The following ULK4 variants were observed in gnomAD, a reference collection of about 807,000 sequenced individuals.
ULK4 encodes unc-51 like kinase 4, also known as inactive serine/threonine-protein kinase ULK4.
In ULK4, 133 loss-of-function variants were observed where a neutral mutation model predicts 160.6. That is an observed-to-expected ratio of 0.83 (90% CI 0.72 to 0.96). The LOEUF is 0.96. Ranked by LOEUF, ULK4 falls within the 40% of genes least tolerant of loss-of-function variation. ULK4 has a pLI of 0.00. For synonymous variants in ULK4, 534 were observed against 539.8 expected (o/e 0.99, Z 0.15); for missense variants, 1,580 against 1,499.5 (o/e 1.05, Z -0.89).
At chr3:41,515,764 A>C (rs796952389) in intron 32 of ULK4, among the ~76,000 whole-genome samples, 211 of 152,276 alleles carry the variant, frequency 1.4e-3, no homozygotes, top group African/African-American at 4.8e-3. Context: ...ACCTAGTCCC[A>C]CCCTTGATAT....
chr3:41,509,862 T>C (rs2085510528), intron 32 of ULK4, among the ~76,000 whole-genome samples: 1 of 152,030 alleles, frequency 6.6e-6, no homozygotes, highest in Non-Finnish European at 1.5e-5. Context: ...TACACCAAAA[T>C]AGAACCTTTT....
At chr3:41,703,833 T>TACACACAC (rs2036765902) in intron 27 of ULK4, among the ~76,000 whole-genome samples, 1 of 93,306 alleles carries the variant, frequency 1.1e-5, no homozygotes, top group African/African-American at 4.1e-5. Context: ...TTAATGCGCA[T>TACACACAC]GCACACACAC....
intron 31 of ULK4, among the ~76,000 whole-genome samples, chr3:41,606,273 A>G (rs73069310): frequency 0.027 from 4,099 of 152,148 alleles, 90 homozygotes; most frequent in Middle Eastern, 0.054. Context: ...CGAAAATTAA[A>G]AAAAAGAAAG....
At chr3:41,550,788 AACATACATT>A (rs1283139705) in intron 32 of ULK4, among the ~76,000 whole-genome samples, 2 of 152,054 alleles carry the variant, frequency 1.3e-5, no homozygotes, top group Non-Finnish European at 2.9e-5. Context: ...ATATGGACCT[AACATACATT>A]TGCGGAACAT....
At chr3:41,436,451 C>G (rs1406133883) in intron 34 of ULK4, among the ~76,000 whole-genome samples, 1 of 152,092 alleles carries the variant, frequency 6.6e-6, no homozygotes, top group Non-Finnish European at 1.5e-5. Context: ...TTATCTGTTA[C>G]TATATATTCA....
chr3:41,248,735 G>A (rs2078689461), intron 36 of ULK4, among the ~76,000 whole-genome samples: 1 of 152,260 alleles, frequency 6.6e-6, no homozygotes, highest in Admixed American at 6.5e-5. Flanking sequence ...GCACCCCATA[G>A]GAGGCGGGTC....
chr3:41,764,134 G>A (rs1164312562), intron 21 of ULK4, among the ~76,000 whole-genome samples: 2 of 152,016 alleles, frequency 1.3e-5, no homozygotes, highest in Non-Finnish European at 1.5e-5. Context: ...AATAAACTGA[G>A]AAAATGAAAA....
At chr3:41,573,642 G>A (rs1471142964) in intron 31 of ULK4, among the ~76,000 whole-genome samples, 1 of 151,994 alleles carries the variant, frequency 6.6e-6, no homozygotes, top group Non-Finnish European at 1.5e-5. Flanking sequence ...CACACGTGTT[G>A]GGCACGCAGC....
At chr3:41,400,627 T>C (rs1433331429) in intron 34 of ULK4, among the ~76,000 whole-genome samples, 1 of 152,214 alleles carries the variant, frequency 6.6e-6, no homozygotes, top group Non-Finnish European at 1.5e-5. Context: ...ATAAAACTAC[T>C]GTGAACATTT....
intron 20 of ULK4, among the ~76,000 whole-genome samples, chr3:41,791,674 G>T (rs2040154990): frequency 1.3e-5 from 2 of 151,936 alleles, no homozygotes. Flanking sequence ...CAATGCCAAT[G>T]ACTATATTAG....
intron 31 of ULK4, among the ~76,000 whole-genome samples, chr3:41,605,202 T>A (rs572060322): frequency 6.7e-6 from 1 of 149,902 alleles, no homozygotes; most frequent in Admixed American, 6.6e-5. Flanking sequence ...GAAAAAGACA[T>A]AAAGAAAAAC....
At chr3:41,484,175 C>G (rs1181069545) in intron 32 of ULK4, among the ~76,000 whole-genome samples, 1 of 152,090 alleles carries the variant, frequency 6.6e-6, no homozygotes, top group Non-Finnish European at 1.5e-5. Context: ...AGGTGATGGA[C>G]CGGGAACTTA....
chr3:41,267,534 T>A (rs909398256), intron 35 of ULK4, among the ~76,000 whole-genome samples: 2 of 152,192 alleles, frequency 1.3e-5, no homozygotes, highest in Non-Finnish European at 2.9e-5. Flanking sequence ...TACCCAGTAA[T>A]GGTATTGCTG....
At chr3:41,337,142 T>A (rs2080577323) in intron 35 of ULK4, among the ~76,000 whole-genome samples, 1 of 152,216 alleles carries the variant, frequency 6.6e-6, no homozygotes, top group African/African-American at 2.4e-5. Flanking sequence ...GATCCAGGTC[T>A]TATGATTTAA....
intron 35 of ULK4, among the ~76,000 whole-genome samples, chr3:41,267,203 CCT>C (rs747547985): frequency 2.0e-5 from 3 of 151,994 alleles, no homozygotes; most frequent in Non-Finnish European, 4.4e-5. Context: ...GTGATGTTCC[CCT>C]CTCTGTGTCC....
chr3:41,739,994 T>A (rs1055248804), intron 22 of ULK4, among the ~76,000 whole-genome samples: 1 of 151,996 alleles, frequency 6.6e-6, no homozygotes, highest in African/African-American at 2.4e-5. Context: ...TTATGATTTT[T>A]GGAAGATATA....
intron 32 of ULK4, among the ~76,000 whole-genome samples, chr3:41,489,072 A>C (rs958876422): frequency 4.0e-5 from 6 of 151,566 alleles, no homozygotes; most frequent in African/African-American, 1.5e-4. Flanking sequence ...ATCCACTTTC[A>C]TGTAAGTTTC....
intron 35 of ULK4, among the ~76,000 whole-genome samples, chr3:41,302,863 G>T (rs770979507): frequency 2.6e-5 from 4 of 152,102 alleles, no homozygotes; most frequent in African/African-American, 4.8e-5. Flanking sequence ...TCAAATTTTA[G>T]ATAGACAAGT....
chr3:41,338,451 C>A (rs1289903890), intron 35 of ULK4, among the ~76,000 whole-genome samples: 3 of 152,198 alleles, frequency 2.0e-5, no homozygotes, highest in African/African-American at 7.2e-5. Flanking sequence ...GCCAGCCTTA[C>A]CCATGAGTAG....
Sources: allele counts gnomAD v4.1 joint callset (sites outside exome capture counted in the v4.1 genomes callset), GRCh38; gene constraint gnomAD v4.1.1; transcripts MANE v1.5; gene names NCBI Gene and HGNC (gene_info 2026-07-23, HGNC 2026-07-21).